ATRNL1: variants seen among roughly 807,000 people sequenced by gnomAD.
The protein encoded by ATRNL1 is attractin like 1.
Under a neutral mutation model 182.7 loss-of-function variants are expected in ATRNL1, and 95 were observed. That is an observed-to-expected ratio of 0.52 (90% CI 0.44 to 0.62). The LOEUF is 0.62. ATRNL1 is among the 20% of genes least tolerant of loss of function. ATRNL1 has a pLI of 0.00. For synonymous variants in ATRNL1, 576 were observed against 568.3 expected (o/e 1.01, Z -0.19); for missense variants, 1,471 against 1,679.5 (o/e 0.88, Z 2.17).
chr10:115,100,297 T>G (rs1843722076), intron 1 of ATRNL1, among the ~76,000 whole-genome samples: 2 of 151,886 alleles, frequency 1.3e-5, no homozygotes, highest in Admixed American at 6.6e-5. Context: ...GACCATGTCT[T>G]TAAAAAATAA....
intron 27 of ATRNL1, among the ~76,000 whole-genome samples, chr10:115,814,108 G>C (rs2134263979): frequency 6.6e-6 from 1 of 152,192 alleles, no homozygotes; most frequent in African/African-American, 2.4e-5. Context: ...TCAACACCCA[G>C]CTCACTCCCT....
chr10:115,777,450 TAAAGTCTTGCTAAGC>T (rs1365656264), intron 27 of ATRNL1, among the ~76,000 whole-genome samples: 6 of 152,276 alleles, frequency 3.9e-5, no homozygotes, highest in Admixed American at 1.3e-4. Flanking sequence ...TCAAGAAATG[TAAAGTCTTGCTAAGC>T]AAATAGTATA....
chr10:115,286,746 C>T (rs527541447), intron 15 of ATRNL1, among the ~76,000 whole-genome samples: 2 of 151,940 alleles, frequency 1.3e-5, no homozygotes, highest in South Asian at 2.1e-4. Flanking sequence ...TATAGTCGAT[C>T]CTCTGTATCT....
chr10:115,766,285 G>A (rs559355036), intron 27 of ATRNL1, among the ~76,000 whole-genome samples: 95 of 152,288 alleles, frequency 6.2e-4, no homozygotes, highest in African/African-American at 2.2e-3. Flanking sequence ...ATAGAACAGA[G>A]CATTTCAACC....
chr10:115,203,882 C>A (rs544437070), intron 8 of ATRNL1, among the ~76,000 whole-genome samples: 1 of 151,352 alleles, frequency 6.6e-6, no homozygotes, highest in East Asian at 1.9e-4. Context: ...CAGGAATGAG[C>A]CACCGCACCT....
At chr10:115,271,802 T>C (rs1457105143) in intron 13 of ATRNL1, among the ~76,000 whole-genome samples, 2 of 152,166 alleles carry the variant, frequency 1.3e-5, no homozygotes, top group African/African-American at 4.8e-5. Flanking sequence ...GTTGTAGTTT[T>C]CCATTGATCT....
In ATRNL1 at chr10:115,948,259, G is replaced by A. The variant is rs367771890; in HGVS notation, c.*3480G>A. The stretch of plus-strand genomic sequence containing the variant: ...AAGAGCATCAATGATCACCTTTCAC[G>A]TACAAACTAGGCAAGACAGGGTCAG... On this transcript the variant is annotated 3_prime_UTR_variant, in exon 29 of 29. Transcript: ENST00000355044. 2 of 152,052 alleles carry A rather than the reference G, an allele frequency of 1.3e-5. No homozygotes were observed. Among genetic ancestry groups the A allele is most frequent in the Non-Finnish European group, 2.9e-5 (2 of 68,014 alleles). The allele number at this position is 152,052 out of a possible 1,614,324, so 9.4% of individuals were successfully genotyped here.
chr10:115,922,143 T>C (rs782701185), intron 28 of ATRNL1, among the ~76,000 whole-genome samples: 1 of 152,170 alleles, frequency 6.6e-6, no homozygotes, highest in Non-Finnish European at 1.5e-5. Context: ...CACTAAGATT[T>C]GCTTGAAGTG....
intron 5 of ATRNL1, among the ~76,000 whole-genome samples, chr10:115,139,589 AC>A (rs1554877555): frequency 6.6e-6 from 1 of 152,014 alleles, no homozygotes; most frequent in Non-Finnish European, 1.5e-5. Flanking sequence ...GGAAAGACCT[AC>A]CCCCATGTTT....
In ATRNL1 at chr10:115,324,638, T is replaced by C. The variant is rs547351147; in HGVS notation, c.3037+8902T>C. Among the ~76,000 whole-genome samples, 4 of 152,374 alleles carry C rather than the reference T, an allele frequency of 2.6e-5. No homozygotes were observed. In the South Asian group the frequency reaches 8.3e-4, roughly 32 times the overall value. On this transcript the variant is annotated intron_variant, in intron 18 of 28. Coordinates refer to ENST00000355044, the MANE Select transcript of ATRNL1 (RefSeq NM_207303.4). ...TAAGTTCCCACAAGTTATGTTTTTC[T>C]TTCATAAACATATCCCAGGGGACTT...
chr10:115,785,360 T>C (rs1555080166), intron 27 of ATRNL1, among the ~76,000 whole-genome samples: 2 of 152,200 alleles, frequency 1.3e-5, no homozygotes, highest in East Asian at 3.9e-4. Context: ...TGTTGGGGCA[T>C]CCCCACCCTC....
intron 26 of ATRNL1, among the ~76,000 whole-genome samples, chr10:115,625,967 C>G (rs1310124109): frequency 6.6e-6 from 1 of 152,122 alleles, no homozygotes; most frequent in African/African-American, 2.4e-5. Flanking sequence ...CACTTTCCCC[C>G]TCATCTCCTG....
chr10:115,561,470 A>C (rs1049058428), intron 26 of ATRNL1, among the ~76,000 whole-genome samples: 1 of 152,202 alleles, frequency 6.6e-6, no homozygotes, highest in Non-Finnish European at 1.5e-5. Flanking sequence ...AAATAAAAAT[A>C]CATTATAACA....
At chr10:115,617,442 A>G (rs1323246499) in intron 26 of ATRNL1, among the ~76,000 whole-genome samples, 1 of 151,918 alleles carries the variant, frequency 6.6e-6, no homozygotes, top group African/African-American at 2.4e-5. Context: ...TCACTGCAAC[A>G]TCCGCCTCCT....
chr10:115,901,409 C>A (rs1296433298), intron 28 of ATRNL1, among the ~76,000 whole-genome samples: 3 of 152,096 alleles, frequency 2.0e-5, no homozygotes, highest in Non-Finnish European at 4.4e-5. Flanking sequence ...GAAAAAAATT[C>A]TTTAACTTAT....
At chr10:115,231,987 C>T (rs189132985) in intron 9 of ATRNL1, among the ~76,000 whole-genome samples, 61 of 152,134 alleles carry the variant, frequency 4.0e-4, no homozygotes, top group Non-Finnish European at 6.9e-4. Context: ...CCTTAATGTG[C>T]GAACGCAGAG....
intron 24 of ATRNL1, among the ~76,000 whole-genome samples, chr10:115,489,641 C>G (rs1180630256): frequency 6.6e-6 from 1 of 152,136 alleles, no homozygotes; most frequent in Non-Finnish European, 1.5e-5. Flanking sequence ...AGATGGGTCT[C>G]CTGAATACAG....
At chr10:115,360,722 G>A (rs149477322) in intron 19 of ATRNL1, among the ~76,000 whole-genome samples, 240 of 151,522 alleles carry the variant, frequency 1.6e-3, no homozygotes, top group African/African-American at 5.7e-3. Context: ...GAGGAGGTTT[G>A]TTACATAGGT....
chr10:115,847,281 T>G (rs1164651273), intron 27 of ATRNL1, among the ~76,000 whole-genome samples: 2 of 152,010 alleles, frequency 1.3e-5, no homozygotes, highest in Non-Finnish European at 2.9e-5. Context: ...TGAATAAGTC[T>G]ATAGATCTAA....
Sources: gnomAD v4.1 joint callset for allele counts (sites outside exome capture counted in the v4.1 genomes callset) on GRCh38, gnomAD v4.1.1 for gene constraint, MANE v1.5 for transcripts, NCBI Gene and HGNC (gene_info 2026-07-23, HGNC 2026-07-21) for gene names.